ATRNL1: variants seen among roughly 807,000 people sequenced by gnomAD.
The protein encoded by ATRNL1 is attractin like 1.
Under a neutral mutation model 182.7 loss-of-function variants are expected in ATRNL1, and 95 were observed. The observed-to-expected ratio is 0.52, with a 90% confidence interval of 0.44 to 0.62. The LOEUF is 0.62. Ranked by LOEUF, ATRNL1 falls within the 20% of genes least tolerant of loss-of-function variation. The pLI, the probability that ATRNL1 is intolerant of heterozygous loss-of-function variation, is 0.00. For synonymous variants in ATRNL1, 576 were observed against 568.3 expected, an observed-to-expected ratio of 1.01 and a Z score of -0.19; for missense variants, 1,471 against 1,679.5, an observed-to-expected ratio of 0.88 and a Z score of 2.17.
At chr10:115,630,249 A>G (rs1858395490) in intron 26 of ATRNL1, among the ~76,000 whole-genome samples, 1 of 152,130 alleles carries the variant, frequency 6.6e-6, no homozygotes, top group Non-Finnish European at 1.5e-5. Flanking sequence ...AGGACAATAG[A>G]TATATGAAAA....
intron 10 of ATRNL1, among the ~76,000 whole-genome samples, chr10:115,264,615 T>TA (rs1435934901): frequency 6.6e-6 from 1 of 151,598 alleles, no homozygotes; most frequent in Admixed American, 6.6e-5. Context: ...AGTTTCTATA[T>TA]AGTTCATAGA....
intron 28 of ATRNL1, among the ~76,000 whole-genome samples, chr10:115,886,006 A>G (rs1377754759): frequency 6.6e-6 from 1 of 152,236 alleles, no homozygotes; most frequent in East Asian, 1.9e-4. Context: ...CTGCGTTTGC[A>G]TCTGTATTCA....
intron 27 of ATRNL1, among the ~76,000 whole-genome samples, chr10:115,842,554 C>T (rs1457629701): frequency 6.6e-6 from 1 of 151,964 alleles, no homozygotes; most frequent in Non-Finnish European, 1.5e-5. Flanking sequence ...TAGTAACAAG[C>T]CCAGGATCAC....
chr10:115,517,502 A>G (rs1480179826), intron 24 of ATRNL1, among the ~76,000 whole-genome samples: 1 of 151,840 alleles, frequency 6.6e-6, no homozygotes, highest in Admixed American at 6.6e-5. Flanking sequence ...CACCCTGTTG[A>G]CATTTACTGC....
intron 10 of ATRNL1, among the ~76,000 whole-genome samples, chr10:115,256,448 A>G (rs1460787862): frequency 2.6e-5 from 4 of 151,946 alleles, no homozygotes; most frequent in Admixed American, 6.6e-5. Context: ...GTATTCTCTG[A>G]TGGTAGTTTG....
chr10:115,362,958 G>T (rs1309241637), intron 19 of ATRNL1, among the ~76,000 whole-genome samples: 1 of 152,064 alleles, frequency 6.6e-6, no homozygotes, highest in Non-Finnish European at 1.5e-5. Flanking sequence ...CTTTGCTATT[G>T]TGAATAGTGC....
intron 19 of ATRNL1, among the ~76,000 whole-genome samples, chr10:115,350,334 CAAAAAAAAAAAGA>C (rs1459022313): frequency 3.4e-4 from 10 of 29,742 alleles, no homozygotes; most frequent in Admixed American, 2.7e-3. Context: ...GACTCTGTCT[CAAAAAAAAAAAGA>C]AAAAAAAAAA....
intron 28 of ATRNL1, among the ~76,000 whole-genome samples, chr10:115,940,918 GTTA>G (rs1288891326): frequency 7.2e-5 from 11 of 152,092 alleles, no homozygotes; most frequent in African/African-American, 2.7e-4. Flanking sequence ...TATAAATGCA[GTTA>G]TTATGATTAT....
chr10:115,905,776 G>A (rs1316586720), intron 28 of ATRNL1, among the ~76,000 whole-genome samples: 2 of 152,170 alleles, frequency 1.3e-5, no homozygotes, highest in African/African-American at 4.8e-5. Context: ...TGGAGGCCAA[G>A]AATCACATCT....
chr10:115,702,408 G>A (rs960019931), intron 26 of ATRNL1, among the ~76,000 whole-genome samples: 4 of 152,020 alleles, frequency 2.6e-5, no homozygotes, highest in Non-Finnish European at 5.9e-5. Flanking sequence ...AGTTCTGGAA[G>A]TCCTAGTCAG....
chr10:115,532,174 T>C (rs1351885776), intron 25 of ATRNL1, among the ~76,000 whole-genome samples: 2 of 152,112 alleles, frequency 1.3e-5, no homozygotes, highest in African/African-American at 4.8e-5. Context: ...AGAAAGTCAT[T>C]GGTAGCTTGA....
At chr10:115,419,369 G>A (rs1845551031) in intron 20 of ATRNL1, among the ~76,000 whole-genome samples, 1 of 151,944 alleles carries the variant, frequency 6.6e-6, no homozygotes, top group Non-Finnish European at 1.5e-5. Flanking sequence ...AGGAAAAAAG[G>A]AAAAAATATC....
At chr10:115,279,491 ACACT>A (rs1473770468) in intron 13 of ATRNL1, among the ~76,000 whole-genome samples, 1 of 152,192 alleles carries the variant, frequency 6.6e-6, no homozygotes, top group Non-Finnish European at 1.5e-5. Flanking sequence ...TCTGTTGCAC[ACACT>A]CTTCCCTCTT....
chr10:115,307,594 C>T (rs1302714066), intron 17 of ATRNL1, among the ~76,000 whole-genome samples: 1 of 152,060 alleles, frequency 6.6e-6, no homozygotes, highest in African/African-American at 2.4e-5. Flanking sequence ...CCCTGTGTGT[C>T]GTTGTGGGGA....
chr10:115,495,950 TA>T (rs2133610619), intron 24 of ATRNL1, among the ~76,000 whole-genome samples: 1 of 152,312 alleles, frequency 6.6e-6, no homozygotes, highest in South Asian at 2.1e-4. Flanking sequence ...ATTGTGTGGT[TA>T]TGTACATCTG....
chr10:115,557,217 C>T (rs1853364969), intron 26 of ATRNL1, among the ~76,000 whole-genome samples: 1 of 152,106 alleles, frequency 6.6e-6, no homozygotes, highest in Non-Finnish European at 1.5e-5. Context: ...GGTACATCTA[C>T]TAGACATCTA....
chr10:115,523,005 G>A (rs782496831), intron 25 of ATRNL1, among the ~76,000 whole-genome samples: 9 of 152,220 alleles, frequency 5.9e-5, no homozygotes, highest in Admixed American at 1.3e-4. Context: ...GCCTCCAACC[G>A]CATATTTCTG....
At position 115,831,767 on chromosome 10, in the gene ATRNL1, G is replaced by GTCTTT. The variant is rs5788116; in HGVS notation, c.3904-16109_3904-16108insCTTTT. On this transcript the variant is annotated intron_variant, in intron 27 of 28. Coordinates refer to ENST00000355044, the MANE Select transcript of ATRNL1 (RefSeq NM_207303.4). ...CATAGTAGCTGCAAGAGTCAAGTGAGTTTTTTTTTTTCAAGTGAGATTTTT... is the reference window on the plus strand; with the variant it reads ...CATAGTAGCTGCAAGAGTCAAGTGAGTCTTTTTTTTTTTTTTCAAGTGAGATTTTT... Among the ~76,000 whole-genome samples the GTCTTT allele has an allele frequency of 7.4e-3, 1,008 of 136,710 alleles. 9 individuals are homozygous for GTCTTT. The highest frequency in any genetic ancestry group is 0.028 in the African/African-American group (895 of 32,116). The allele number at this position is 136,710 out of a possible 152,430, so 89.7% of individuals were successfully genotyped here. A position where few individuals can be genotyped will look rare whatever the true frequency, so the allele number is the denominator to read the frequency against.
intron 25 of ATRNL1, among the ~76,000 whole-genome samples, chr10:115,529,036 TTC>T (rs1554987464): frequency 6.6e-6 from 1 of 152,124 alleles, no homozygotes; most frequent in African/African-American, 2.4e-5. Context: ...CTAACATATA[TTC>T]TGTCCTGGAG....
Sources: gnomAD v4.1 joint callset for allele counts (sites outside exome capture counted in the v4.1 genomes callset) on GRCh38, gnomAD v4.1.1 for gene constraint, MANE v1.5 for transcripts, NCBI Gene and HGNC (gene_info 2026-07-23, HGNC 2026-07-21) for gene names.